Variants in ZDHHC2 observed in about 807,000 individuals in gnomAD.
The protein encoded by ZDHHC2 is zDHHC palmitoyltransferase 2.
Under a neutral mutation model 55.6 loss-of-function variants are expected in ZDHHC2, and 51 were observed. That is an observed-to-expected ratio of 0.92 (90% CI 0.73 to 1.16). The LOEUF (loss-of-function observed/expected upper bound fraction) is 1.16. Ranked by LOEUF, ZDHHC2 falls within the 50% of genes most tolerant of loss-of-function variation. The pLI, the probability that ZDHHC2 is intolerant of heterozygous loss-of-function variation, is 0.00. For synonymous variants in ZDHHC2, 199 were observed against 152.9 expected, an observed-to-expected ratio of 1.30 and a Z score of -2.22; for missense variants, 491 against 442.4, an observed-to-expected ratio of 1.11 and a Z score of -0.99.
At chr8:17,207,870 C>CA (rs553722681) in intron 7 of ZDHHC2, 90 bp from the exon 8 acceptor site, 17,909 of 864,792 alleles carry the variant, frequency 0.021, no homozygotes, top group Non-Finnish European at 0.023. Context: ...AAATTTTAAG[C>CA]AAAAAAAAAA....
Position 17,220,665 on chromosome 8 carries a change from T to C in ZDHHC2, c.*444T>C, listed in dbSNP as rs1437227909. On this transcript the variant is annotated 3_prime_UTR_variant, in exon 13 of 13. Coordinates refer to ENST00000262096, the MANE Select transcript of ZDHHC2 (RefSeq NM_016353.5). The stretch of plus-strand genomic sequence containing the variant: ...ACATTATAATGATAAGCATTATTCA[T>C]AAAACTTGTTACCTTTAAGAAGGTG... The C allele has an allele frequency of 1.3e-5, 2 of 152,340 alleles. No individual in the cohort carries two copies. Among genetic ancestry groups the C allele is most frequent in the East Asian group, 3.9e-4 (2 of 5,190 alleles). 9.4% of individuals were successfully genotyped at this position (152,340 alleles called of 1,614,324 possible).
intron 11 of ZDHHC2, among the ~76,000 whole-genome samples, chr8:17,215,747 A>G (rs185089734): frequency 2.8e-4 from 43 of 152,314 alleles, no homozygotes; most frequent in African/African-American, 9.4e-4. Flanking sequence ...ATTTCTGTCC[A>G]ATTTCAAAAT....
intron 1 of ZDHHC2, among the ~76,000 whole-genome samples, chr8:17,177,752 T>G (rs958123837): frequency 2.7e-5 from 4 of 148,716 alleles, no homozygotes; most frequent in Admixed American, 1.3e-4. Context: ...TTTGGGGTGT[T>G]TGTGTGTGTG....
chr8:17,198,347 G>A (rs374540276), intron 5 of ZDHHC2, 34 bp from the exon 6 acceptor site: 2 of 1,561,328 alleles, frequency 1.3e-6, no homozygotes, highest in Admixed American at 1.9e-5. Flanking sequence ...AATTTCATGG[G>A]GTATTAGGTT....
At chr8:17,201,050 T>G (rs1806735871) in intron 6 of ZDHHC2, among the ~76,000 whole-genome samples, 1 of 152,210 alleles carries the variant, frequency 6.6e-6, no homozygotes, top group African/African-American at 2.4e-5. Context: ...AGCCATTGTA[T>G]TTAATTTTTT....
At chr8:17,198,574 C>G (rs1382272474) in intron 6 of ZDHHC2, among the ~76,000 whole-genome samples, 161 bp downstream of exon 6, 3 of 152,078 alleles carry the variant, frequency 2.0e-5, no homozygotes, top group Non-Finnish European at 4.4e-5. Context: ...TTAAAAGAGC[C>G]TTTATTTAGG....
intron 10 of ZDHHC2, among the ~76,000 whole-genome samples, chr8:17,212,966 A>G (rs1807459875): frequency 6.6e-6 from 1 of 152,096 alleles, no homozygotes; most frequent in South Asian, 2.1e-4. Flanking sequence ...GGGCTCAAGC[A>G]GTCCTCTCAC....
chr8:17,163,738 G>A (rs1450618272), intron 1 of ZDHHC2, among the ~76,000 whole-genome samples: 1 of 152,172 alleles, frequency 6.6e-6, no homozygotes, highest in East Asian at 1.9e-4. Context: ...CTTGCAGAAT[G>A]ACAGATTAGA....
At chr8:17,191,675 C>G (rs1042826760) in intron 3 of ZDHHC2, among the ~76,000 whole-genome samples, 2 of 152,306 alleles carry the variant, frequency 1.3e-5, no homozygotes, top group Admixed American at 6.5e-5. Context: ...TGAATATATT[C>G]CATTGTGTAA....
At chr8:17,199,306 A>C (rs1414118665) in intron 6 of ZDHHC2, among the ~76,000 whole-genome samples, 2 of 152,060 alleles carry the variant, frequency 1.3e-5, no homozygotes, top group South Asian at 2.1e-4. Context: ...AGGCTAGTCA[A>C]CCCATACAAG....
chr8:17,190,993 G>C (rs1240920834), intron 3 of ZDHHC2, among the ~76,000 whole-genome samples: 1 of 104,550 alleles, frequency 9.6e-6, no homozygotes, highest in African/African-American at 3.8e-5. Flanking sequence ...ATGGAGTTTC[G>C]CTCTGTCACC....
intron 5 of ZDHHC2, 95 bp from the exon 6 acceptor site, chr8:17,198,286 C>T: frequency 8.5e-7 from 1 of 1,175,946 alleles, no homozygotes. Flanking sequence ...TTACTTGCCG[C>T]AGCTGTTTGA....
chr8:17,210,274 C>A, intron 9 of ZDHHC2, 114 bp from the exon 10 acceptor site: 2 of 1,143,892 alleles, frequency 1.7e-6, no homozygotes, highest in African/African-American at 1.6e-5. Context: ...GTCTAATACA[C>A]ATTTTTTTTG....
In ZDHHC2 at chr8:17,167,775, A is replaced by G. The variant is rs369836254; in HGVS notation, c.130+10922A>G. Among the ~76,000 whole-genome samples, 5 of 152,300 alleles carry G rather than the reference A, an allele frequency of 3.3e-5. No individual in the cohort carries two copies. In the South Asian group the frequency reaches 1.0e-3, roughly 32 times the overall value. On this transcript the variant is annotated intron_variant, in intron 1 of 12. Transcript: ENST00000262096. ...GAGTAAGTAATATCCTCATATATCT[A>G]TAATAAAAATAATAAATAAGAACAA...
At chr8:17,194,675 A>G (rs1032837163) in intron 3 of ZDHHC2, among the ~76,000 whole-genome samples, 4 of 152,204 alleles carry the variant, frequency 2.6e-5, no homozygotes, top group East Asian at 1.9e-4. Context: ...GTTGTTCAGT[A>G]TACTGAGGTT....
In ZDHHC2 at chr8:17,208,034, CT is replaced by C. The variant is rs1454643608; in HGVS notation, c.674del (p.Leu225CysfsTer11). 6.3e-7 allele frequency: 1 copy of C among 1,593,312 alleles called. No homozygotes were observed. Among genetic ancestry groups the C allele is most frequent in the Non-Finnish European group, 8.6e-7 (1 of 1,168,746 alleles). On this transcript the variant is annotated frameshift_variant, in exon 8 of 13. Coordinates refer to ENST00000262096, the MANE Select transcript of ZDHHC2 (RefSeq NM_016353.5). LOFTEE classifies it high-confidence loss of function. ...TTGCTGCAGCTATGTTTTCTGTCAG[CT>C]TGTCTTCTCTGTTTGGCTATCATTG... ...FFAAAMFSVS[L>X]SSLFGYHCWL...
rs1420141626 is a variant in ZDHHC2, at chr8:17,223,586, A to T, written c.*3365A>T. The stretch of plus-strand genomic sequence containing the variant: ...GACTATGTTACATACCTGAAGTATT[A>T]CTCTTTTACAAAGATACCATTAGAA... On this transcript the variant is annotated 3_prime_UTR_variant, in exon 13 of 13. Transcript: ENST00000262096. The T allele has an allele frequency of 1.3e-5, 2 of 151,800 alleles. No individual in the cohort carries two copies. Among genetic ancestry groups the T allele is most frequent in the African/African-American group, 4.8e-5 (2 of 41,418 alleles). The allele number at this position is 151,800 out of a possible 1,614,324, so 9.4% of individuals were successfully genotyped here.
intron 6 of ZDHHC2, among the ~76,000 whole-genome samples, chr8:17,204,740 C>T (rs1807011698): frequency 2.6e-5 from 4 of 152,096 alleles, no homozygotes; most frequent in Admixed American, 2.6e-4. Context: ...ATGAAATAAT[C>T]TATACAACAG....
chr8:17,157,580 A>T (rs1408109793), intron 1 of ZDHHC2: 2 of 152,246 alleles, frequency 1.3e-5, no homozygotes, highest in Non-Finnish European at 2.9e-5. Context: ...ATTGGTGGGT[A>T]GGATACTTTT....
Sources: gnomAD v4.1 joint callset for allele counts (sites outside exome capture counted in the v4.1 genomes callset) on GRCh38, gnomAD v4.1.1 for gene constraint, MANE v1.5 for transcripts, NCBI Gene and HGNC (gene_info 2026-07-23, HGNC 2026-07-21) for gene names.